Variants in HOMER1 observed in about 807,000 individuals in gnomAD.
HOMER1 encodes homer protein homolog 1.
A neutral mutation model predicts 48.9 loss-of-function variants in HOMER1; 3 were observed. The observed-to-expected ratio is 0.06, with a 90% CI of 0.03 to 0.16. HOMER1 has a LOEUF of 0.16. Ranked by LOEUF, HOMER1 falls within the 10% of genes least tolerant of loss-of-function variation. The pLI, the probability that HOMER1 is intolerant of heterozygous loss-of-function variation, is 1.00. For synonymous variants in HOMER1, 134 were observed against 146.4 expected (o/e 0.92, Z 0.61); for missense variants, 247 against 411.4 (o/e 0.60, Z 3.46).
At position 79,375,481 on chromosome 5, in the gene HOMER1, C is replaced by T. The variant is rs1001071795; in HGVS notation, c.*528G>A. ...CAATTAAAGATACAGCTCTCTCTCA[C>T]TCCTGGCAAGAATTAATTGGTAATG... On this transcript the variant is annotated 3_prime_UTR_variant, in exon 9 of 9. Coordinates refer to ENST00000334082, the MANE Select transcript of HOMER1 (RefSeq NM_004272.5). 1 of 152,130 alleles carries T rather than the reference C, an allele frequency of 6.6e-6. No homozygotes were observed. Among genetic ancestry groups the T allele is most frequent in the African/African-American group, 2.4e-5 (1 of 41,442 alleles). 9.4% of individuals were successfully genotyped at this position (152,130 alleles called of 1,614,324 possible).
intron 1 of HOMER1, among the ~76,000 whole-genome samples, chr5:79,462,176 G>A (rs2112310459): frequency 6.6e-6 from 1 of 152,190 alleles, no homozygotes; most frequent in South Asian, 2.1e-4. Context: ...CCCCAGCCTG[G>A]GCGACAGAGC....
intron 1 of HOMER1, among the ~76,000 whole-genome samples, chr5:79,507,297 GA>G (rs948165760): frequency 6.7e-6 from 1 of 149,066 alleles, no homozygotes; most frequent in African/African-American, 2.5e-5. Context: ...AGATAGATGT[GA>G]AAATTTTATC....
At chr5:79,503,101 A>T (rs1752650326) in intron 1 of HOMER1, among the ~76,000 whole-genome samples, 1 of 152,140 alleles carries the variant, frequency 6.6e-6, no homozygotes, top group Non-Finnish European at 1.5e-5. Context: ...TGTAACTTTT[A>T]ACTCCTCAAA....
intron 1 of HOMER1, among the ~76,000 whole-genome samples, chr5:79,493,989 T>C (rs1752356604): frequency 1.3e-5 from 2 of 152,208 alleles, no homozygotes; most frequent in African/African-American, 4.8e-5. Flanking sequence ...TAAAGGACCA[T>C]TACTTATCCA....
chr5:79,447,241 C>T (rs1242560854), intron 3 of HOMER1, 96 bp from the exon 4 acceptor site: 1 of 733,166 alleles, frequency 1.4e-6, no homozygotes, highest in Non-Finnish European at 2.4e-6. Flanking sequence ...GAATAACTGA[C>T]TCTACACAAG....
intron 5 of HOMER1, among the ~76,000 whole-genome samples, chr5:79,432,862 C>A (rs1199763277): frequency 6.6e-6 from 1 of 152,142 alleles, no homozygotes; most frequent in African/African-American, 2.4e-5. Flanking sequence ...TCTGACATCT[C>A]TAAATTGTTA....
rs144056735 is a variant in HOMER1, at chr5:79,470,809, A to G, written c.6-13791T>C. On this transcript the variant is annotated intron_variant, in intron 1 of 8. Transcript: ENST00000334082. The stretch of plus-strand genomic sequence containing the variant: ...CAATGCATATCAAAAGCCACTATAT[A>G]GCCATGAGAAAACAAAGTTGTAGCA... Among the ~76,000 whole-genome samples the G allele has an allele frequency of 2.3e-4, 35 of 152,358 alleles. 2 individuals carry two copies. The highest frequency in any genetic ancestry group is 2.2e-3 in the Admixed American group (34 of 15,306).
At chr5:79,505,964 C>T (rs1243893187) in intron 1 of HOMER1, among the ~76,000 whole-genome samples, 5 of 152,002 alleles carry the variant, frequency 3.3e-5, no homozygotes, top group East Asian at 1.9e-4. Flanking sequence ...CATTTTTGGG[C>T]GGACAAAACC....
Position 79,513,954 on chromosome 5 carries a change from C to G in HOMER1, c.-1180G>C, listed in dbSNP as rs900325667. 1 of 155,298 alleles carries G rather than the reference C, an allele frequency of 6.4e-6. No homozygotes were observed. Among genetic ancestry groups the G allele is most frequent in the African/African-American group, 2.4e-5 (1 of 41,470 alleles). 9.6% of individuals were successfully genotyped at this position (155,298 alleles called of 1,614,324 possible). A position where few individuals can be genotyped will look rare whatever the true frequency, so the allele number is the denominator to read the frequency against. ...CCGCCTCACATTCCCCGGGCCCCGC[C>G]GCCGCCTCTTCACACTTCCATCAGC... On this transcript the variant is annotated 5_prime_UTR_variant, in exon 1 of 9. Coordinates refer to ENST00000334082, the MANE Select transcript of HOMER1 (RefSeq NM_004272.5).
chr5:79,429,529 G>C (rs1008713438), intron 5 of HOMER1, among the ~76,000 whole-genome samples: 1 of 152,108 alleles, frequency 6.6e-6, no homozygotes, highest in Non-Finnish European at 1.5e-5. Flanking sequence ...AATGGTGCTG[G>C]AACAACTGGA....
At chr5:79,443,522 A>G (rs1750796143) in intron 4 of HOMER1, among the ~76,000 whole-genome samples, 1 of 152,208 alleles carries the variant, frequency 6.6e-6, no homozygotes, top group Non-Finnish European at 1.5e-5. Flanking sequence ...GTATAAATAT[A>G]CAATTAAGGC....
chr5:79,512,786 A>C lies in HOMER1; in HGVS notation c.-12T>G. ...AATCCTTACCCCATTTTGCCCAATG[A>C]AAACTTGCTCTGAAGTTTCAGCTCT... On this transcript the variant is annotated 5_prime_UTR_variant, in exon 1 of 9. Coordinates refer to ENST00000334082, the MANE Select transcript of HOMER1 (RefSeq NM_004272.5). 1 of 1,613,706 alleles carries C rather than the reference A, an allele frequency of 6.2e-7. No individual in the cohort carries two copies. Among genetic ancestry groups the C allele is most frequent in the Non-Finnish European group, 8.5e-7 (1 of 1,179,700 alleles).
intron 5 of HOMER1, among the ~76,000 whole-genome samples, chr5:79,407,754 T>TA (rs1749703722): frequency 6.6e-6 from 1 of 152,092 alleles, no homozygotes; most frequent in Non-Finnish European, 1.5e-5. Context: ...GCAGAGGAAA[T>TA]ATCTGAAGAC....
chr5:79,451,626 C>T (rs529367426), intron 2 of HOMER1, among the ~76,000 whole-genome samples: 5 of 123,070 alleles, frequency 4.1e-5, no homozygotes, highest in Admixed American at 2.2e-4. Context: ...AGTGCAGTGG[C>T]GTGATCTCGG....
intron 5 of HOMER1, among the ~76,000 whole-genome samples, chr5:79,427,850 G>GT (rs929671055): frequency 1.2e-4 from 14 of 115,486 alleles, no homozygotes; most frequent in African/African-American, 3.9e-4. Context: ...TTCCTTCAAG[G>GT]TTTTTTTATA....
At chr5:79,497,153 A>G (rs1371538590) in intron 1 of HOMER1, among the ~76,000 whole-genome samples, 1 of 152,076 alleles carries the variant, frequency 6.6e-6, no homozygotes, top group Non-Finnish European at 1.5e-5. Flanking sequence ...TAGACAGAAT[A>G]ACATAGAAGT....
chr5:79,410,613 T>C (rs1210661173), intron 5 of HOMER1, among the ~76,000 whole-genome samples: 2 of 152,054 alleles, frequency 1.3e-5, no homozygotes, highest in Admixed American at 6.5e-5. Context: ...GTATAATAAA[T>C]GCTCCTATTA....
At chr5:79,417,380 GATCCGCCCGCCTC>G (rs1272216152) in intron 5 of HOMER1, among the ~76,000 whole-genome samples, 1 of 152,144 alleles carries the variant, frequency 6.6e-6, no homozygotes, top group East Asian at 1.9e-4. Context: ...CTGACCTCGT[GATCCGCCCGCCTC>G]GGCCTCCCAA....
At chr5:79,471,269 A>G (rs534722876) in intron 1 of HOMER1, among the ~76,000 whole-genome samples, 2 of 152,168 alleles carry the variant, frequency 1.3e-5, no homozygotes, top group African/African-American at 2.4e-5. Flanking sequence ...GGAGGCCAGG[A>G]GCGGTGGCTC....
Sources: allele counts gnomAD v4.1 joint callset (sites outside exome capture counted in the v4.1 genomes callset), GRCh38; gene constraint gnomAD v4.1.1; transcripts MANE v1.5; gene names NCBI Gene and HGNC (gene_info 2026-07-23, HGNC 2026-07-21).